NSD1: variants seen among roughly 807,000 people sequenced by gnomAD.
The protein encoded by NSD1 is histone-lysine N-methyltransferase, H3 lysine-36 specific.
In NSD1, 26 loss-of-function variants were observed where a neutral mutation model predicts 242.7. That is an observed-to-expected ratio of 0.11 (90% CI 0.08 to 0.15). The LOEUF is 0.15. Ranked by LOEUF, NSD1 falls within the 10% of genes least tolerant of loss-of-function variation. The pLI, the probability that NSD1 is intolerant of heterozygous loss-of-function variation, is 1.00. For missense variants in NSD1, 2,495 were observed against 3,272.8 expected (o/e 0.76, Z 5.80); for synonymous variants, 1,106 against 1,178.1 (o/e 0.94, Z 1.25).
chr5:177,174,176 C>T (rs1414524780), intron 2 of NSD1, among the ~76,000 whole-genome samples: 1 of 152,004 alleles, frequency 6.6e-6, no homozygotes, highest in Admixed American at 6.6e-5. Context: ...ACCATCCTGG[C>T]CAACATGGTG....
rs562371140 is a variant in NSD1, at chr5:177,213,994, A to G, written c.3796+1799A>G. On this transcript the variant is annotated intron_variant, in intron 5 of 22. Coordinates refer to ENST00000439151, the MANE Select transcript of NSD1 (RefSeq NM_022455.5). ...CCTTTTTTGGTTTTTTTTTTGAGAT[A>G]GGGTCTGGCTCTGTTGCCCAGGCTA... Among the ~76,000 whole-genome samples, 11 of 151,466 alleles carry G rather than the reference A, an allele frequency of 7.3e-5. No homozygotes were observed. The East Asian group carries it at 2.1e-3, about 30-fold the overall frequency.
chr5:177,168,385 T>C (rs371056950), intron 2 of NSD1, among the ~76,000 whole-genome samples: 2 of 152,224 alleles, frequency 1.3e-5, no homozygotes, highest in African/African-American at 4.8e-5. Flanking sequence ...TCTATCTGTG[T>C]GTCTTTCTTT....
chr5:177,263,830 AAG>A (rs1757184484), intron 14 of NSD1, among the ~76,000 whole-genome samples: 1 of 152,288 alleles, frequency 6.6e-6, no homozygotes, highest in African/African-American at 2.4e-5. Flanking sequence ...ATTCAAGAAA[AAG>A]AACTGCAAAA....
rs750009132 is a variant in NSD1 at position 177,211,325 on chromosome 5, G to A, written c.2926G>A (p.Ala976Thr). The A allele has an allele frequency of 5.6e-6, 9 of 1,613,966 alleles. No individual in the cohort carries two copies. Among genetic ancestry groups the A allele is most frequent in the African/African-American group, 5.3e-5 (4 of 74,900 alleles). ...EKKGDGTQNSANPSPSGGDSA... is the reference protein window; with the variant it reads ...EKKGDGTQNSTNPSPSGGDSA... The stretch of plus-strand genomic sequence containing the variant: ...AAAGGGAGATGGCACTCAGAACTCC[G>A]CCAATCCTAGCCCTAGTGGGGGTGA... The change falls in exon 5 of 23, where the codon GCC (alanine) becomes ACC (threonine). Residue 976 changes from alanine (A) to threonine (T), a missense_variant. Around this residue, in one of 19 missense-constraint regions of NSD1, gnomAD observed 426 missense variants for 411.4 expected, o/e 1.04. Transcript: ENST00000439151.
At chr5:177,146,072 C>T (rs961692446) in intron 2 of NSD1, among the ~76,000 whole-genome samples, 1 of 151,306 alleles carries the variant, frequency 6.6e-6, no homozygotes, top group African/African-American at 2.4e-5. Context: ...CTGGGTGACC[C>T]TGTCTCTTAA....
chr5:177,252,176 G>A (rs1402849600), intron 12 of NSD1, among the ~76,000 whole-genome samples: 5 of 152,166 alleles, frequency 3.3e-5, no homozygotes, highest in Non-Finnish European at 7.3e-5. Flanking sequence ...AAGTGCAGAA[G>A]GTCTAGTAAT....
intron 2 of NSD1, among the ~76,000 whole-genome samples, chr5:177,180,688 ATTTG>A (rs1424480526): frequency 6.6e-6 from 1 of 150,978 alleles, no homozygotes; most frequent in Non-Finnish European, 1.5e-5. Flanking sequence ...TATTTTATTT[ATTTG>A]TTTATTTTGA....
rs762789475 is a variant in NSD1 at position 177,210,673 on chromosome 5, A to G, written c.2274A>G (p.Ser758=). The change falls in exon 5 of 23, where the codon TCA becomes TCG. Residue 758 remains serine (S), a synonymous_variant. Coordinates refer to ENST00000439151, the MANE Select transcript of NSD1 (RefSeq NM_022455.5). The stretch of plus-strand genomic sequence containing the variant: ...CTCTCTCTCCAAAATTCAACCTGTC[A>G]TCAAGCATATCCAGTGAGAACTCGT... ...NDALSPKFNL[S]SSISSENSLI... 7 of 1,614,198 alleles carry G rather than the reference A, an allele frequency of 4.3e-6. No homozygotes were observed. The South Asian group carries it at 5.5e-5, about 13-fold the overall frequency.
chr5:177,241,583 A>G (rs1290268204), intron 8 of NSD1, among the ~76,000 whole-genome samples: 1 of 152,040 alleles, frequency 6.6e-6, no homozygotes, highest in African/African-American at 2.4e-5. Context: ...TTTAAGTATT[A>G]ATTATACTTA....
chr5:177,173,200 G>T (rs1393742857), intron 2 of NSD1, among the ~76,000 whole-genome samples: 1 of 149,726 alleles, frequency 6.7e-6, no homozygotes, highest in Non-Finnish European at 1.5e-5. Context: ...GCTGAGGCAG[G>T]AGAATGGCGT....
chr5:177,218,402 G>T, intron 5 of NSD1, among the ~76,000 whole-genome samples: 1 of 152,064 alleles, frequency 6.6e-6, no homozygotes, highest in Non-Finnish European at 1.5e-5. Context: ...AGTCATGAAA[G>T]GTAGTTGAAT....
In NSD1 at chr5:177,254,448, G is replaced by A. The variant is rs61625521; in HGVS notation, c.4766-2503G>A. Among the ~76,000 whole-genome samples, 998 of 151,596 alleles carry A rather than the reference G, an allele frequency of 6.6e-3. 13 individuals are homozygous for A. Among genetic ancestry groups the A allele is most frequent in the East Asian group, 0.028 (141 of 5,096 alleles). On this transcript the variant is annotated intron_variant, in intron 12 of 22. Transcript: ENST00000439151. ...AGAGTCTCACTCTGTCACCCAGGCC[G>A]GAGTGCAGTGGCGTGATCTCAGCTA...
chr5:177,185,081 A>G (rs1021071857), intron 2 of NSD1, among the ~76,000 whole-genome samples: 29 of 152,094 alleles, frequency 1.9e-4, no homozygotes, highest in African/African-American at 6.3e-4. Context: ...GATAATTTCT[A>G]TGATAATTGT....
chr5:177,217,793 G>A (rs1562221555), intron 5 of NSD1, among the ~76,000 whole-genome samples: 1 of 150,788 alleles, frequency 6.6e-6, no homozygotes, highest in East Asian at 2.0e-4. Context: ...TCAGGCTCCT[G>A]AGTAGATGGG....
At chr5:177,193,108 C>G (rs1761830788) in intron 3 of NSD1, among the ~76,000 whole-genome samples, 1 of 151,968 alleles carries the variant, frequency 6.6e-6, no homozygotes, top group Non-Finnish European at 1.5e-5. Flanking sequence ...TTTTAAATTA[C>G]TCTAAAGGAT....
chr5:177,237,531 C>CTTT (rs35657331), intron 6 of NSD1, among the ~76,000 whole-genome samples: 62 of 123,122 alleles, frequency 5.0e-4, no homozygotes, highest in African/African-American at 1.3e-3. Context: ...ATTATTTTAT[C>CTTT]TTTTTTTTTT....
chr5:177,140,051 T>C (rs1227955416), intron 2 of NSD1, among the ~76,000 whole-genome samples: 1 of 152,174 alleles, frequency 6.6e-6, no homozygotes, highest in Admixed American at 6.5e-5. Flanking sequence ...TTTCTGTTAT[T>C]TTGTGTATCT....
chr5:177,247,045 T>A (rs1766354240), intron 10 of NSD1, among the ~76,000 whole-genome samples: 1 of 152,224 alleles, frequency 6.6e-6, no homozygotes. Flanking sequence ...ATCAGGTATA[T>A]AAGTGTTTCA....
chr5:177,276,492 AT>A (rs1217033062), intron 17 of NSD1, among the ~76,000 whole-genome samples: 1 of 151,690 alleles, frequency 6.6e-6, no homozygotes, highest in Non-Finnish European at 1.5e-5. Flanking sequence ...CACCTGGCTA[AT>A]TTTTGTGTTT....
Sources: allele counts gnomAD v4.1 joint callset (sites outside exome capture counted in the v4.1 genomes callset), GRCh38; gene constraint gnomAD v4.1.1; regional missense constraint gnomAD v4.1.1; transcripts MANE v1.5; gene names NCBI Gene and HGNC (gene_info 2026-07-23, HGNC 2026-07-21).